Variants in FLI1 observed in about 807,000 individuals in gnomAD.
FLI1 encodes the protein Friend leukemia integration 1 transcription factor.
Under a neutral mutation model 53.1 loss-of-function variants are expected in FLI1, and 13 were observed. The ratio of observed to expected loss-of-function variants is 0.24; its 90% CI spans 0.16 to 0.39. The LOEUF is 0.39. Among genes scored for constraint, FLI1 ranks in the 10% least tolerant of loss-of-function variants. FLI1 has a pLI of 1.00. For synonymous variants in FLI1, 244 were observed against 236.7 expected, an observed-to-expected ratio of 1.03 and a Z score of -0.28; for missense variants, 424 against 600.5, an observed-to-expected ratio of 0.71 and a Z score of 3.07.
rs1296403319 is a variant in FLI1 at position 128,810,146 on chromosome 11, G to T, written c.830-313G>T. ...TCAAAAGCCTTGCCAAAGGGATTGA[G>T]GGGGGATATGGCTCACCCAAGATCA... is the stretch of plus-strand genomic sequence containing the variant. On this transcript the variant is annotated intron_variant, in intron 8 of 8. Coordinates refer to ENST00000527786, the MANE Select transcript of FLI1 (RefSeq NM_002017.5). The surrounding 1 kb of genome is among the most constrained non-coding windows in gnomAD (Gnocchi z 6.6). Among the ~76,000 whole-genome samples the T allele has an allele frequency of 1.4e-5, 2 of 145,336 alleles. No individual in the cohort carries two copies. Among genetic ancestry groups the T allele is most frequent in the Non-Finnish European group, 3.1e-5 (2 of 63,942 alleles).
intron 5 of FLI1, among the ~76,000 whole-genome samples, chr11:128,794,602 T>A (rs1245666148): frequency 6.6e-6 from 1 of 152,232 alleles, no homozygotes; most frequent in East Asian, 1.9e-4. Context: ...TCCCTTTTTA[T>A]AGATTGAATA....
Position 128,728,731 on chromosome 11 carries a change from A to G in FLI1, c.19-29384A>G, listed in dbSNP as rs140732227. On this transcript the variant is annotated intron_variant, in intron 1 of 8. Transcript: ENST00000527786. ...CTTCCCTTCAGGCACAGAAATTCTC[A>G]TTTGCACTCCCCATTTGCCCTGGTG... is the stretch of plus-strand genomic sequence containing the variant. Among the ~76,000 whole-genome samples the G allele has an allele frequency of 5.8e-4, 89 of 152,230 alleles. 1 individual carries two copies. The East Asian group carries it at 9.8e-3, about 17-fold the overall frequency.
At chr11:128,797,523 A>T (rs1942475826) in intron 5 of FLI1, among the ~76,000 whole-genome samples, 1 of 152,214 alleles carries the variant, frequency 6.6e-6, no homozygotes, top group Non-Finnish European at 1.5e-5. Context: ...TGCACTGCCT[A>T]CTTCCCTCCT....
chr11:128,768,951 G>A (rs1941455538), intron 3 of FLI1, among the ~76,000 whole-genome samples: 1 of 152,232 alleles, frequency 6.6e-6, no homozygotes, highest in African/African-American at 2.4e-5. Flanking sequence ...CAGCTGCAGA[G>A]GCCAGTCCTT....
chr11:128,748,633 C>CAA (rs927424811), intron 1 of FLI1, among the ~76,000 whole-genome samples: 1 of 136,336 alleles, frequency 7.3e-6, no homozygotes, highest in Non-Finnish European at 1.6e-5. Context: ...AACTCTGTCT[C>CAA]AAAAAAAAAA....
At chr11:128,696,110 G>C (rs1938061674) in intron 1 of FLI1, 1 of 152,260 alleles carries the variant, frequency 6.6e-6, no homozygotes, top group East Asian at 1.9e-4. Flanking sequence ...GGCATGGCAG[G>C]CCTCGAGAAC....
intron 3 of FLI1, among the ~76,000 whole-genome samples, chr11:128,771,918 GGTT>G (rs2077848590): frequency 6.6e-6 from 1 of 152,164 alleles, no homozygotes; most frequent in African/African-American, 2.4e-5. Flanking sequence ...ACTAACCATT[GGTT>G]GCCAAGTGAA....
chr11:128,784,701 C>A (rs1942032930), intron 5 of FLI1, among the ~76,000 whole-genome samples: 1 of 151,474 alleles, frequency 6.6e-6, no homozygotes, highest in African/African-American at 2.5e-5. Flanking sequence ...TCCCTCTATC[C>A]TCCCTGCCTC....
At chr11:128,730,371 C>T (rs1389441946) in intron 1 of FLI1, among the ~76,000 whole-genome samples, 1 of 152,230 alleles carries the variant, frequency 6.6e-6, no homozygotes, top group Non-Finnish European at 1.5e-5. Flanking sequence ...AGCTGCGCTG[C>T]TCATCCTATT....
intron 1 of FLI1, among the ~76,000 whole-genome samples, chr11:128,746,502 T>C (rs890776345): frequency 6.6e-6 from 1 of 152,178 alleles, no homozygotes; most frequent in Non-Finnish European, 1.5e-5. Flanking sequence ...ACCTTCCCTT[T>C]GTCACGCAGA....
At position 128,764,378 on chromosome 11, in the gene FLI1, C is replaced by T. The variant is rs533858769; in HGVS notation, c.231-3740C>T. Among the ~76,000 whole-genome samples, 166 of 152,356 alleles carry T rather than the reference C, an allele frequency of 1.1e-3. 2 individuals are homozygous for T. Among genetic ancestry groups the T allele is most frequent in the Admixed American group, 3.0e-3 (46 of 15,304 alleles). ...AATGAAGGACAAGGGCTACCCTACCCTCGGCAGCTCTGCTGTGGCCTCTGT... is the reference window on the plus strand; with the variant it reads ...AATGAAGGACAAGGGCTACCCTACCTTCGGCAGCTCTGCTGTGGCCTCTGT... On this transcript the variant is annotated intron_variant, in intron 2 of 8. Coordinates refer to ENST00000527786, the MANE Select transcript of FLI1 (RefSeq NM_002017.5).
Position 128,807,244 on chromosome 11 carries a change from C to G in FLI1, c.781+5C>G. 1 of 1,597,660 alleles carries G rather than the reference C, an allele frequency of 6.3e-7. No individual in the cohort carries two copies. Among genetic ancestry groups the G allele is most frequent in the Non-Finnish European group, 8.5e-7 (1 of 1,171,314 alleles). On this transcript the variant is annotated splice_donor_5th_base_variant and intron_variant, in intron 7 of 8. Transcript: ENST00000527786. ...CAGAGCAACGGCCCCAGCCAGGTAC[C>G]TGCCCAGGATATGTAATCTCTCCTT...
intron 5 of FLI1, among the ~76,000 whole-genome samples, chr11:128,799,185 C>T (rs930509776): frequency 6.6e-6 from 1 of 151,936 alleles, no homozygotes; most frequent in African/African-American, 2.4e-5. Flanking sequence ...GCTGGGATTA[C>T]AGCCCTGAGC....
intron 1 of FLI1, among the ~76,000 whole-genome samples, chr11:128,748,658 G>C (rs1940517159): frequency 6.6e-6 from 1 of 152,058 alleles, no homozygotes; most frequent in African/African-American, 2.4e-5. Context: ...AGAAAGAAAA[G>C]AAAAGTCAGC....
upstream of FLI1, among the ~76,000 whole-genome samples, chr11:128,689,803 C>T (rs530542721): frequency 2.5e-4 from 38 of 152,340 alleles, 1 homozygote; most frequent in South Asian, 7.9e-3. Flanking sequence ...GGGGTTTCCT[C>T]AGCGACGCCG....
chr11:128,752,244 G>A (rs1940678835), intron 1 of FLI1, among the ~76,000 whole-genome samples: 1 of 152,144 alleles, frequency 6.6e-6, no homozygotes, highest in African/African-American at 2.4e-5. Context: ...CCAAAATGCT[G>A]GGATTACAGG....
chr11:128,739,195 A>T (rs779056480), intron 1 of FLI1, among the ~76,000 whole-genome samples: 5 of 152,188 alleles, frequency 3.3e-5, no homozygotes, highest in Non-Finnish European at 7.4e-5. Flanking sequence ...CTTCAGCTGC[A>T]GGTGTGGCCC....
intron 1 of FLI1, among the ~76,000 whole-genome samples, chr11:128,728,057 C>T (rs373465723): frequency 9.8e-5 from 15 of 152,352 alleles, no homozygotes; most frequent in African/African-American, 3.6e-4. Context: ...CAAAACAAAA[C>T]ACAAAACGTG....
At position 128,805,357 on chromosome 11, in the gene FLI1, G is replaced by C; in HGVS notation, c.656-9G>C. ...TGCTAATGTACCCCTATTTGTTATT[G>C]TTCATTAGACCCTTCTTATGACTCA... On this transcript the variant is annotated splice_polypyrimidine_tract_variant and intron_variant, in intron 5 of 8. Transcript: ENST00000527786. The C allele has an allele frequency of 6.4e-7, 1 of 1,565,080 alleles. No homozygotes were observed. The highest frequency in any genetic ancestry group is 8.7e-7 in the Non-Finnish European group (1 of 1,147,314).
Sources: allele counts gnomAD v4.1 joint callset (sites outside exome capture counted in the v4.1 genomes callset), GRCh38; gene constraint gnomAD v4.1.1; non-coding constraint Gnocchi (gnomAD v3.1); transcripts MANE v1.5; gene names NCBI Gene and HGNC (gene_info 2026-07-23, HGNC 2026-07-21).